The following ANKS1B variants were observed in gnomAD, a reference collection of about 807,000 sequenced individuals.
ANKS1B encodes ankyrin repeat and sterile alpha motif domain-containing protein 1B.
A neutral mutation model predicts 148.3 loss-of-function variants in ANKS1B; 36 were observed. That is an observed-to-expected ratio of 0.24 (90% CI 0.19 to 0.32). ANKS1B has a LOEUF of 0.32. Ranked by LOEUF, ANKS1B falls within the 10% of genes least tolerant of loss-of-function variation. The pLI is 1.00. For missense variants in ANKS1B, 1,157 were observed against 1,542.6 expected, an observed-to-expected ratio of 0.75 and a Z score of 4.19; for synonymous variants, 542 against 560.8, an observed-to-expected ratio of 0.97 and a Z score of 0.47.
At chr12:99,143,213 T>C (rs1209227530) in intron 15 of ANKS1B, among the ~76,000 whole-genome samples, 1 of 152,080 alleles carries the variant, frequency 6.6e-6, no homozygotes, top group Non-Finnish European at 1.5e-5. Context: ...GGTAAAAGTA[T>C]AACAATGTGA....
At chr12:99,558,172 G>C (rs1230212495) in intron 9 of ANKS1B, among the ~76,000 whole-genome samples, 1 of 152,158 alleles carries the variant, frequency 6.6e-6, no homozygotes, top group South Asian at 2.1e-4. Context: ...CACACATGAT[G>C]GGGTCAGTGG....
chr12:99,591,079 T>C (rs1180815186), intron 9 of ANKS1B, among the ~76,000 whole-genome samples: 1 of 152,052 alleles, frequency 6.6e-6, no homozygotes, highest in African/African-American at 2.4e-5. Context: ...ATAGCACTGG[T>C]ATTGTGCTGT....
intron 4 of ANKS1B, among the ~76,000 whole-genome samples, chr12:99,792,996 C>T (rs1043781445): frequency 5.9e-5 from 9 of 151,936 alleles, no homozygotes; most frequent in East Asian, 3.9e-4. Context: ...AATGTAGCAA[C>T]GTTGCAGGAT....
intron 1 of ANKS1B, among the ~76,000 whole-genome samples, chr12:99,895,658 A>G (rs997158841): frequency 7.0e-6 from 1 of 143,660 alleles, no homozygotes; most frequent in Middle Eastern, 3.6e-3. Flanking sequence ...GGGCCCACAG[A>G]GTACCAACCA....
At chr12:99,875,892 G>C (rs952512573) in intron 1 of ANKS1B, among the ~76,000 whole-genome samples, 3 of 152,144 alleles carry the variant, frequency 2.0e-5, no homozygotes, top group African/African-American at 7.2e-5. Flanking sequence ...TGTGAAAACA[G>C]AAAATAATAA....
intron 3 of ANKS1B, among the ~76,000 whole-genome samples, chr12:99,807,637 C>T (rs1267296250): frequency 6.6e-6 from 1 of 152,132 alleles, no homozygotes; most frequent in African/African-American, 2.4e-5. Context: ...GACATAGTTG[C>T]ATTTTATATA....
intron 17 of ANKS1B, among the ~76,000 whole-genome samples, chr12:98,879,944 A>G (rs79453826): frequency 0.017 from 2,520 of 152,344 alleles, 76 homozygotes; most frequent in East Asian, 0.11. Flanking sequence ...ACACTTGAAT[A>G]AACAAAAAAG....
intron 14 of ANKS1B, among the ~76,000 whole-genome samples, chr12:99,236,705 T>C (rs1002719141): frequency 6.6e-6 from 1 of 152,158 alleles, no homozygotes; most frequent in Non-Finnish European, 1.5e-5. Flanking sequence ...CTATGTTGAA[T>C]AGGAATAAGG....
rs571329080 is a variant in ANKS1B, at chr12:99,809,669, T to G, written c.372+2486A>C. ...TATTTTCCCTATAAACCTTATAATA[T>G]AGTTTATAAACCAAAAGAGATAACA... On this transcript the variant is annotated intron_variant, in intron 3 of 26. Coordinates refer to ENST00000683438, the MANE Select transcript of ANKS1B (RefSeq NM_001352186.2). 5.3e-5 allele frequency among the ~76,000 whole-genome samples: 8 copies of G among 152,158 alleles called. 1 individual carries two copies. Among genetic ancestry groups the G allele is most frequent in the African/African-American group, 1.9e-4 (8 of 41,554 alleles).
chr12:99,194,930 ACC>A (rs1329594306), intron 14 of ANKS1B, among the ~76,000 whole-genome samples: 2 of 152,108 alleles, frequency 1.3e-5, no homozygotes, highest in Non-Finnish European at 2.9e-5. Context: ...TGTTCATAAC[ACC>A]ATTTTCTTTA....
intron 17 of ANKS1B, among the ~76,000 whole-genome samples, chr12:98,945,087 C>A (rs1398913591): frequency 2.6e-5 from 4 of 152,146 alleles, no homozygotes; most frequent in African/African-American, 9.7e-5. Context: ...GGGTGATAAG[C>A]TTTTCTGTAT....
At chr12:98,755,737 C>G (rs1237954969) in intron 25 of ANKS1B, among the ~76,000 whole-genome samples, 2 of 152,152 alleles carry the variant, frequency 1.3e-5, no homozygotes, top group Non-Finnish European at 2.9e-5. Context: ...CCAGACATCA[C>G]AGAGACAGAA....
chr12:99,037,048 G>A (rs1232929790), intron 17 of ANKS1B, among the ~76,000 whole-genome samples: 1 of 152,108 alleles, frequency 6.6e-6, no homozygotes, highest in Non-Finnish European at 1.5e-5. Context: ...AAATAGAGTG[G>A]AACAAAGTAG....
intron 12 of ANKS1B, among the ~76,000 whole-genome samples, chr12:99,276,772 C>T (rs1400447903): frequency 1.3e-5 from 2 of 152,132 alleles, no homozygotes; most frequent in Non-Finnish European, 2.9e-5. Flanking sequence ...CTGTGCCTGC[C>T]ATTTTATAGG....
At chr12:99,694,780 T>C (rs537082057) in intron 8 of ANKS1B, among the ~76,000 whole-genome samples, 1 of 152,308 alleles carries the variant, frequency 6.6e-6, no homozygotes, top group South Asian at 2.1e-4. Flanking sequence ...AAAAAGATCT[T>C]ACATGTTATT....
intron 9 of ANKS1B, among the ~76,000 whole-genome samples, chr12:99,587,504 TCA>T (rs996088069): frequency 3.3e-5 from 5 of 152,236 alleles, no homozygotes; most frequent in Non-Finnish European, 5.9e-5. Context: ...TATAGAATGT[TCA>T]GTTTTAATTG....
chr12:98,751,953 C>T lies in ANKS1B; in HGVS notation c.3580-431G>A, dbSNP rs2098104538. ...AGATAAATGCATATCAGATTGCTTC[C>T]CCTGTCCTGTTGTTTCCCTAAGCCA... is the stretch of plus-strand genomic sequence containing the variant. On this transcript the variant is annotated intron_variant, in intron 25 of 26. Transcript: ENST00000683438. This position sits in a 1 kb window ranked among gnomAD's most constrained non-coding sequence, Gnocchi z 4.3. Among the ~76,000 whole-genome samples, 6 of 152,210 alleles carry T rather than the reference C, an allele frequency of 3.9e-5. No individual in the cohort carries two copies. Among genetic ancestry groups the T allele is most frequent in the Admixed American group, 3.9e-4 (6 of 15,286 alleles).
At chr12:99,489,752 T>G (rs2152962356) in intron 10 of ANKS1B, among the ~76,000 whole-genome samples, 1 of 152,298 alleles carries the variant, frequency 6.6e-6, no homozygotes, top group South Asian at 2.1e-4. Context: ...TGCTCTCGAC[T>G]TGTTTACGGC....
At chr12:99,896,547 C>T (rs922050893) in intron 1 of ANKS1B, among the ~76,000 whole-genome samples, 1 of 151,004 alleles carries the variant, frequency 6.6e-6, no homozygotes, top group Admixed American at 6.6e-5. Context: ...TGAAGAAAAC[C>T]TCTTTCTTTT....
Sources: allele counts gnomAD v4.1 joint callset (sites outside exome capture counted in the v4.1 genomes callset), GRCh38; gene constraint gnomAD v4.1.1; non-coding constraint Gnocchi (gnomAD v3.1); transcripts MANE v1.5; gene names NCBI Gene and HGNC (gene_info 2026-07-23, HGNC 2026-07-21).